Variants in ABTB2 observed in about 807,000 individuals in gnomAD.
ABTB2 encodes the protein ankyrin repeat and BTB domain containing 2, also known as ankyrin repeat and BTB/POZ domain-containing protein 2.
In ABTB2, 56 loss-of-function variants were observed where a neutral mutation model predicts 104.1. The ratio of observed to expected loss-of-function variants is 0.54; its 90% CI spans 0.43 to 0.67. The LOEUF is 0.67. Ranked by LOEUF, ABTB2 falls within the 30% of genes least tolerant of loss-of-function variation. ABTB2 has a pLI of 0.00. For missense variants in ABTB2, 1,279 were observed against 1,407.7 expected, an observed-to-expected ratio of 0.91 and a Z score of 1.46; for synonymous variants, 606 against 608.2, an observed-to-expected ratio of 1.00 and a Z score of 0.05.
intron 1 of ABTB2, among the ~76,000 whole-genome samples, chr11:34,246,601 C>CAAAAAAAAA (rs60681759): frequency 6.0e-4 from 21 of 34,756 alleles, no homozygotes; most frequent in Non-Finnish European, 9.0e-4. Context: ...AACTCCATCT[C>CAAAAAAAAA]AAAAAAAAAA....
intron 3 of ABTB2, among the ~76,000 whole-genome samples, chr11:34,185,555 T>G (rs1007384561): frequency 1.8e-4 from 17 of 95,174 alleles, no homozygotes; most frequent in African/African-American, 6.3e-4. Flanking sequence ...TTAGTCTGCA[T>G]TTTTACAAAT....
chr11:34,229,279 A>G (rs2957526), intron 1 of ABTB2, among the ~76,000 whole-genome samples: 3,357 of 151,888 alleles, frequency 0.022, 59 homozygotes, highest in African/African-American at 0.041. Flanking sequence ...TCAGGAGATC[A>G]AGACCATCCT....
At chr11:34,165,141 G>A in intron 8 of ABTB2, 119 bp downstream of exon 8, 6 of 959,166 alleles carry the variant, frequency 6.3e-6, no homozygotes, top group Non-Finnish European at 9.0e-6. Context: ...GGGTTTTAAG[G>A]CCCCTGCATG....
rs756655924 is a variant in ABTB2 at position 34,204,552 on chromosome 11, G to A, written c.1022C>T (p.Ser341Leu). The change falls in exon 2 of 17, where the codon TCG becomes TTG. Residue 341 changes from serine (S) to leucine (L), a missense_variant. Transcript: ENST00000435224. ...SLLATCVGSI[S>L]ELSDLVSRAM... ...ACTGAGGCCACACTTACTCAGCTCC[G>A]AGATGCTGCCCACGCAGGTGGCCAG... The A allele has an allele frequency of 2.5e-5, 40 of 1,610,002 alleles. No individual in the cohort carries two copies. Among genetic ancestry groups the A allele is most frequent in the Admixed American group, 3.3e-5 (2 of 59,750 alleles).
intron 14 of ABTB2, among the ~76,000 whole-genome samples, chr11:34,155,372 C>T (rs922279663): frequency 2.0e-5 from 3 of 152,240 alleles, no homozygotes; most frequent in Non-Finnish European, 2.9e-5. Context: ...CCCGGAGGCC[C>T]GGAGCTCCCC....
chr11:34,278,383 C>T (rs1854410591), intron 1 of ABTB2, among the ~76,000 whole-genome samples: 1 of 152,054 alleles, frequency 6.6e-6, no homozygotes, highest in Admixed American at 6.6e-5. Flanking sequence ...CTTGAATATG[C>T]AAATTGCATA....
At chr11:34,215,271 G>T (rs1022867937) in intron 1 of ABTB2, among the ~76,000 whole-genome samples, 27 of 152,194 alleles carry the variant, frequency 1.8e-4, no homozygotes, top group Admixed American at 1.4e-3. Flanking sequence ...GATCAGTGCT[G>T]CCAGGGACAG....
chr11:34,263,531 C>G (rs562934152), intron 1 of ABTB2, among the ~76,000 whole-genome samples: 12 of 152,280 alleles, frequency 7.9e-5, no homozygotes, highest in Admixed American at 5.9e-4. Context: ...TCACTTGTCA[C>G]AGGCCCAGGT....
intron 10 of ABTB2, 121 bp downstream of exon 10, chr11:34,162,455 C>T (rs1852735034): frequency 9.0e-7 from 1 of 1,115,784 alleles, no homozygotes; most frequent in Non-Finnish European, 1.3e-6. Flanking sequence ...CTCAGCTGCC[C>T]TGGGGCTTGT....
At chr11:34,324,797 G>C (rs1382941054) in intron 1 of ABTB2, among the ~76,000 whole-genome samples, 1 of 152,096 alleles carries the variant, frequency 6.6e-6, no homozygotes, top group African/African-American at 2.4e-5. Flanking sequence ...CTACCTTTCT[G>C]CCAAGAAAGC....
intron 1 of ABTB2, among the ~76,000 whole-genome samples, chr11:34,258,130 G>A (rs1228424132): frequency 6.6e-6 from 1 of 152,086 alleles, no homozygotes; most frequent in Non-Finnish European, 1.5e-5. Context: ...TCCAATCTGT[G>A]TTGTCCCCAT....
intron 3 of ABTB2, among the ~76,000 whole-genome samples, chr11:34,181,916 A>C (rs1853032286): frequency 6.6e-6 from 1 of 152,214 alleles, no homozygotes; most frequent in African/African-American, 2.4e-5. Flanking sequence ...GTCAGAGCCA[A>C]GCACTGGGGT....
intron 1 of ABTB2, among the ~76,000 whole-genome samples, chr11:34,349,115 C>T (rs1413290096): frequency 2.6e-5 from 4 of 152,206 alleles, no homozygotes; most frequent in Admixed American, 1.3e-4. Flanking sequence ...TTTTTTAAAA[C>T]AAGCAGGAAG....
chr11:34,329,464 A>C (rs1855105288), intron 1 of ABTB2, among the ~76,000 whole-genome samples: 1 of 152,196 alleles, frequency 6.6e-6, no homozygotes. Flanking sequence ...TTCTCAGGCC[A>C]TGAGGGCTCC....
intron 3 of ABTB2, among the ~76,000 whole-genome samples, chr11:34,192,157 G>C (rs943474511): frequency 3.3e-5 from 5 of 152,118 alleles, no homozygotes. Flanking sequence ...GCCAGGTGTG[G>C]TGGGGCACAT....
chr11:34,310,619 C>T (rs1306886322), intron 1 of ABTB2, among the ~76,000 whole-genome samples: 1 of 152,138 alleles, frequency 6.6e-6, no homozygotes, highest in East Asian at 1.9e-4. Flanking sequence ...TTCTTTTCAG[C>T]CTCAGGGCCC....
chr11:34,331,318 G>A (rs1007227276), intron 1 of ABTB2, among the ~76,000 whole-genome samples: 3 of 152,134 alleles, frequency 2.0e-5, no homozygotes, highest in Admixed American at 2.0e-4. Flanking sequence ...AAAAATTAAA[G>A]CTTGAAAAAT....
intron 3 of ABTB2, among the ~76,000 whole-genome samples, chr11:34,193,807 T>C (rs1475864122): frequency 6.6e-6 from 1 of 152,196 alleles, no homozygotes; most frequent in African/African-American, 2.4e-5. Context: ...TGCACCAGGC[T>C]CACTGCAGGA....
At chr11:34,337,308 C>G (rs999809118) in intron 1 of ABTB2, among the ~76,000 whole-genome samples, 4 of 152,062 alleles carry the variant, frequency 2.6e-5, no homozygotes, top group Admixed American at 6.5e-5. Context: ...AACAGCAGAC[C>G]ACAACACAGA....
Sources: gnomAD v4.1 joint callset for allele counts (sites outside exome capture counted in the v4.1 genomes callset) on GRCh38, gnomAD v4.1.1 for gene constraint, MANE v1.5 for transcripts, NCBI Gene and HGNC (gene_info 2026-07-23, HGNC 2026-07-21) for gene names.